SPATA25: variants seen among roughly 807,000 people sequenced by gnomAD.
SPATA25 encodes the protein spermatogenesis associated 25.
In SPATA25, 16 loss-of-function variants were observed where a neutral mutation model predicts 16.0. The observed-to-expected ratio is 1.00, with a 90% confidence interval of 0.68 to 1.52. The LOEUF (loss-of-function observed/expected upper bound fraction) is 1.52, where lower values mean the gene tolerates loss of function less well. Ranked by LOEUF, SPATA25 falls within the 40% of genes most tolerant of loss-of-function variation. The pLI is 0.00. For synonymous variants in SPATA25, 115 were observed against 118.5 expected (o/e 0.97, Z 0.19); for missense variants, 285 against 289.2 (o/e 0.99, Z 0.11).
At position 45,887,559 on chromosome 20, in the gene SPATA25, G is replaced by A. The variant is rs759696376; in HGVS notation, c.32C>T (p.Pro11Leu). Residue 11 changes from proline (P) to leucine (L), a missense_variant, in exon 1 of 2, where the codon CCA becomes CTA. Coordinates refer to ENST00000372519, the MANE Select transcript of SPATA25 (RefSeq NM_080608.4). MSYFRTPQTH[P>L]GPLPSGQGGA... Reference sequence around the variant, plus strand: ...ACCTTGGCCGGAAGGCAGAGGACCTGGATGAGTTTGTGGAGTCCTGAAGTA... The same window carrying A: ...ACCTTGGCCGGAAGGCAGAGGACCTAGATGAGTTTGTGGAGTCCTGAAGTA... 6.2e-7 allele frequency: 1 copy of A among 1,613,790 alleles called. No homozygotes were observed. The highest frequency in any genetic ancestry group is 8.5e-7 in the Non-Finnish European group (1 of 1,179,828).
upstream of SPATA25, chr20:45,890,883 C>G (rs1007752268): frequency 6.4e-7 from 1 of 1,567,734 alleles, no homozygotes. Flanking sequence ...CCAGAGGGGT[C>G]CACGCGGATG....
Position 45,886,590 on chromosome 20 carries a change from T to C in SPATA25, c.611A>G (p.His204Arg). The C allele has an allele frequency of 6.2e-7, 1 of 1,612,938 alleles. No individual in the cohort carries two copies. Among genetic ancestry groups the C allele is most frequent in the Non-Finnish European group, 8.5e-7 (1 of 1,179,450 alleles). Residue 204 changes from histidine (H) to arginine (R), a missense_variant, in exon 2 of 2, where the codon CAT becomes CGT. Transcript: ENST00000372519. Reference protein sequence around the residue: ...AVEGARWEQAHAHTASGKMPL... With the variant: ...AVEGARWEQARAHTASGKMPL... ...CATCTTCCCAGAGGCTGTGTGGGCA[T>C]GTGCCTGCTCCCACCGCGCCCCCTC...
At chr20:45,890,791 C>T (rs1478090722), upstream of SPATA25, 1 of 1,603,348 alleles carries the variant, frequency 6.2e-7, no homozygotes, top group Non-Finnish European at 8.5e-7. Context: ...CGATCTCGAC[C>T]AGGAAGACCT....
chr20:45,887,587 A>G lies in SPATA25; in HGVS notation c.4T>C (p.Ser2Pro), dbSNP rs1986534929. Residue 2 changes from serine to proline, a missense_variant, in exon 1 of 2, where the codon TCC becomes CCC. Physicochemically the swap from Ser to Pro is moderately conservative, Grantham distance 74 (BLOSUM62 -1). Transcript: ENST00000372519. ...TGAGTTTGTGGAGTCCTGAAGTAGG[A>G]CATGGCTTCCCCAAAGCCCCGGTTT... The part of the protein sequence containing the change: M[S>P]YFRTPQTHPG... The G allele has an allele frequency of 1.9e-6, 3 of 1,613,522 alleles. No individual in the cohort carries two copies. The highest frequency in any genetic ancestry group is 2.2e-5 in the South Asian group (2 of 90,892).
Position 45,887,057 on chromosome 20 carries a change from G to C in SPATA25, c.144C>G (p.Ser48Arg). 2.5e-6 allele frequency: 4 copies of C among 1,609,380 alleles called. No individual in the cohort carries two copies. The highest frequency in any genetic ancestry group is 3.4e-6 in the Non-Finnish European group (4 of 1,180,000). Residue 48 changes from serine to arginine, a missense_variant, in exon 2 of 2, where the codon AGC (serine) becomes AGG (arginine). By Grantham distance (110) the Ser-to-Arg change is moderately radical. Transcript: ENST00000372519. The part of the protein sequence containing the change: ...VVASGGTGPL[S>R]QKAEQVAPAA... Reference sequence around the variant, plus strand: ...CAGGTGCCACCTGCTCAGCTTTCTGGCTCAGTGGGCCTGTTCCACCAGAGG... The same window carrying C: ...CAGGTGCCACCTGCTCAGCTTTCTGCCTCAGTGGGCCTGTTCCACCAGAGG...
upstream of SPATA25, chr20:45,890,915 AAGCGGGTGGGAGGGGGCTCCGGGCGCTCG>A: frequency 6.5e-7 from 1 of 1,547,780 alleles, no homozygotes; most frequent in Admixed American, 2.0e-5. Context: ...CACCCGATGG[AAGCGGGTGGGAGGGGGCTCCGGGCGCTCG>A]AGTCCCCAGA....
chr20:45,889,159 C>T (rs1367590168), upstream of SPATA25, among the ~76,000 whole-genome samples: 4 of 152,132 alleles, frequency 2.6e-5, no homozygotes, highest in African/African-American at 9.7e-5. Context: ...GCAACTGAAG[C>T]CTCCAGCACA....
Position 45,886,944 on chromosome 20 carries a change from T to C in SPATA25, c.257A>G (p.Tyr86Cys), listed in dbSNP as rs1986501814. ...CGGGAATTTGTGGCAGTTTCGGCTG[T>C]ATTCCTTCCGTAGTGTCTCCCAGCT... ...GTSWETLRKEYSRNCHKFPHV... is the reference protein window; with the variant it reads ...GTSWETLRKECSRNCHKFPHV... The change falls in exon 2 of 2, where the codon TAC (tyrosine) becomes TGC (cysteine). Residue 86 changes from tyrosine to cysteine, a missense_variant. Coordinates refer to ENST00000372519, the MANE Select transcript of SPATA25 (RefSeq NM_080608.4). The C allele has an allele frequency of 1.2e-6, 2 of 1,613,936 alleles. No homozygotes were observed. Among genetic ancestry groups the C allele is most frequent in the Non-Finnish European group, 1.7e-6 (2 of 1,180,040 alleles).
chr20:45,887,215 A>G (rs570497537), intron 1 of SPATA25, 70 bp from the exon 2 acceptor site: 14 of 1,515,274 alleles, frequency 9.2e-6, no homozygotes, highest in Middle Eastern at 4.9e-4. Flanking sequence ...GGGGCAGGGC[A>G]TGGGAGCAGA....
At chr20:45,890,234 G>A (rs573078854), upstream of SPATA25, 1 of 1,613,810 alleles carries the variant, frequency 6.2e-7, no homozygotes, top group Non-Finnish European at 8.5e-7. Flanking sequence ...AGGGGTCGCT[G>A]CCCAGGGATA....
At chr20:45,890,520 G>A (rs997216847), upstream of SPATA25, 7 of 1,601,692 alleles carry the variant, frequency 4.4e-6, no homozygotes, top group Admixed American at 5.1e-5. Context: ...CCCACCAGGC[G>A]GTCCCGGGGA....
At chr20:45,887,261 T>C (rs1374173495) in intron 1 of SPATA25, 116 bp from the exon 2 acceptor site, 2 of 1,302,190 alleles carry the variant, frequency 1.5e-6, no homozygotes, top group Non-Finnish European at 2.1e-6. Flanking sequence ...CCCAGCGGAC[T>C]GTCTAGAGGT....
chr20:45,887,455 C>T, intron 1 of SPATA25, 81 bp downstream of exon 1: 1 of 1,397,086 alleles, frequency 7.2e-7, no homozygotes, highest in Non-Finnish European at 9.9e-7. Context: ...CCCAGCAGAA[C>T]CGCCACCTCC....
chr20:45,890,709 G>T (rs774618285), upstream of SPATA25: 33 of 1,613,654 alleles, frequency 2.0e-5, no homozygotes, highest in South Asian at 3.2e-4. Flanking sequence ...TCGGGAACGG[G>T]GGCCAGACTG....
chr20:45,888,524 C>T (rs749321773), upstream of SPATA25: 4 of 521,690 alleles, frequency 7.7e-6, no homozygotes, highest in South Asian at 9.4e-5. Context: ...ATGACTCTAA[C>T]AAGCAGCCAG....
Position 45,886,688 on chromosome 20 carries a change from T to A in SPATA25, c.513A>T (p.Gly171=). ...IAGIPTVPVP[G]VREEDLIWAA... ...CCCAGATCAGGTCCTCTTCCCGAAC[T>A]CCTGGGACGGGCACGGTGGGGATGC... The change falls in exon 2 of 2, where the codon GGA becomes GGT. Residue 171 remains glycine, a synonymous_variant. Coordinates refer to ENST00000372519, the MANE Select transcript of SPATA25 (RefSeq NM_080608.4). 1 of 1,614,100 alleles carries A rather than the reference T, an allele frequency of 6.2e-7. No homozygotes were observed. Among genetic ancestry groups the A allele is most frequent in the Non-Finnish European group, 8.5e-7 (1 of 1,180,036 alleles).
chr20:45,890,718 T>A, upstream of SPATA25: 1 of 1,613,578 alleles, frequency 6.2e-7, no homozygotes, highest in Non-Finnish European at 8.5e-7. Flanking sequence ...GGGGCCAGAC[T>A]GGCGGGGTCC....
upstream of SPATA25, chr20:45,890,334 G>A (rs1416753030): frequency 6.2e-7 from 1 of 1,613,164 alleles, no homozygotes. Context: ...GCAGCTGGCA[G>A]TCCCCGGGCG....
chr20:45,887,424 TCTAGGGCCAGCCCCCA>T (rs1986526946), intron 1 of SPATA25, 96 bp downstream of exon 1: 1 of 1,057,514 alleles, frequency 9.5e-7, no homozygotes, highest in South Asian at 1.6e-5. Flanking sequence ...AAGAATTGAT[TCTAGGGCCAGCCCCCA>T]AATGCCCAGC....
Sources: allele counts gnomAD v4.1 joint callset (sites outside exome capture counted in the v4.1 genomes callset), GRCh38; gene constraint gnomAD v4.1.1; transcripts MANE v1.5; gene names NCBI Gene and HGNC (gene_info 2026-07-23, HGNC 2026-07-21).